The following HDAC8 variants were observed in gnomAD, a reference collection of about 807,000 sequenced individuals.
The protein encoded by HDAC8 is histone deacetylase 8.
A neutral mutation model predicts 32.2 loss-of-function variants in HDAC8; 1 was observed. The ratio of observed to expected loss-of-function variants is 0.03; its 90% CI spans 0.01 to 0.15. The LOEUF (loss-of-function observed/expected upper bound fraction) is 0.15, where lower values mean the gene tolerates loss of function less well. Ranked by LOEUF, HDAC8 falls within the 10% of genes least tolerant of loss-of-function variation. The pLI, the probability that HDAC8 is intolerant of heterozygous loss-of-function variation, is 1.00. For missense variants in HDAC8, 117 were observed against 300.0 expected, an observed-to-expected ratio of 0.39 and a Z score of 4.51; for synonymous variants, 108 against 113.9, an observed-to-expected ratio of 0.95 and a Z score of 0.33.
At chrX:72,569,198 C>T (rs1950841818) in intron 2 of HDAC8, among the ~76,000 whole-genome samples, 1 of 112,354 alleles carries the variant, frequency 8.9e-6, no homozygotes, top group African/African-American at 3.2e-5. Flanking sequence ...CTGTGAGTTA[C>T]AACTTTCAGG....
chrX:72,379,744 C>T (rs1331833139), intron 9 of HDAC8, among the ~76,000 whole-genome samples: 3 of 110,745 alleles, frequency 2.7e-5, no homozygotes, highest in Non-Finnish European at 5.7e-5. Context: ...TCAGGTGATC[C>T]ACCTGCCTCG....
chrX:72,403,870 C>A (rs887971281), intron 9 of HDAC8, among the ~76,000 whole-genome samples: 20 of 111,231 alleles, frequency 1.8e-4, no homozygotes, highest in Admixed American at 1.5e-3. Context: ...TCAAGACCAG[C>A]CTGGACAACA....
At position 72,351,889 on chromosome X, in the gene HDAC8, C is replaced by T. The variant is rs1486738501; in HGVS notation, c.1006-51G>A. On this transcript the variant is annotated intron_variant, in intron 9 of 10. Transcript: ENST00000373573. ...AAACAAATTAAGCCACATAAAACCT[C>T]CAAACCAACCACATACAAACAATCA... 4.5e-6 allele frequency: 4 copies of T among 883,254 alleles called. No individual in the cohort carries two copies. In the South Asian group the frequency reaches 9.0e-5, roughly 20 times the overall value. The allele number at this position is 883,254 out of a possible 1,213,427, so 72.8% of individuals were successfully genotyped here.
At chrX:72,556,082 T>C (rs112354286) in intron 4 of HDAC8, among the ~76,000 whole-genome samples, 1,352 of 111,653 alleles carry the variant, frequency 0.012, 17 homozygotes, top group African/African-American at 0.041. Flanking sequence ...CTGGAAGGGA[T>C]TGGGGTCCTA....
At chrX:72,338,727 T>G (rs1367318715) in intron 10 of HDAC8, among the ~76,000 whole-genome samples, 1 of 100,944 alleles carries the variant, frequency 9.9e-6, no homozygotes, top group African/African-American at 3.6e-5. Flanking sequence ...TTTTTTTATT[T>G]TTTTATTTTT....
chrX:72,509,345 G>C (rs782430081), intron 4 of HDAC8, among the ~76,000 whole-genome samples: 62 of 111,154 alleles, frequency 5.6e-4, no homozygotes, highest in African/African-American at 1.9e-3. Flanking sequence ...CTGATCTCAA[G>C]TGATCCGCCA....
intron 4 of HDAC8, among the ~76,000 whole-genome samples, chrX:72,537,364 T>C (rs1381163788): frequency 8.9e-6 from 1 of 112,343 alleles, no homozygotes; most frequent in Non-Finnish European, 1.9e-5. Context: ...TTTCATATTT[T>C]GTACTATTAC....
At chrX:72,394,000 C>T (rs1316288706) in intron 9 of HDAC8, among the ~76,000 whole-genome samples, 1 of 110,893 alleles carries the variant, frequency 9.0e-6, no homozygotes, top group Non-Finnish European at 1.9e-5. Flanking sequence ...TCTTCCTAGT[C>T]CAGTTACTCT....
intron 4 of HDAC8, among the ~76,000 whole-genome samples, chrX:72,548,879 A>C (rs782238856): frequency 9.0e-6 from 1 of 111,662 alleles, no homozygotes; most frequent in Non-Finnish European, 1.9e-5. Flanking sequence ...TATGTTGCCC[A>C]GGCTGTCAAA....
At chrX:72,572,599 G>GCCCCCCCCCCCCCC (rs1556163925) in intron 1 of HDAC8, 52 bp downstream of exon 1, 20 of 453,055 alleles carry the variant, frequency 4.4e-5, no homozygotes, top group South Asian at 1.2e-4. Flanking sequence ...TTCGTCCACC[G>GCCCCCCCCCCCCCC]CCCCCACCCC....
At chrX:72,484,016 A>G (rs1351062828) in intron 7 of HDAC8, among the ~76,000 whole-genome samples, 1 of 112,350 alleles carries the variant, frequency 8.9e-6, no homozygotes, top group African/African-American at 3.2e-5. Flanking sequence ...AAAAGTAGTT[A>G]AAGAGCTATA....
At chrX:72,513,463 C>T (rs2049663641) in intron 4 of HDAC8, among the ~76,000 whole-genome samples, 1 of 109,587 alleles carries the variant, frequency 9.1e-6, no homozygotes, top group African/African-American at 3.3e-5. Flanking sequence ...GTAGCTGGAA[C>T]CACAGGCGTG....
intron 4 of HDAC8, among the ~76,000 whole-genome samples, chrX:72,526,110 T>G (rs1251405685): frequency 1.8e-5 from 2 of 111,066 alleles, no homozygotes; most frequent in Non-Finnish European, 3.8e-5. Flanking sequence ...TAGTCCAAAC[T>G]ACCTGAACAT....
chrX:72,440,743 G>C (rs781924671), intron 9 of HDAC8, among the ~76,000 whole-genome samples: 3 of 112,081 alleles, frequency 2.7e-5, no homozygotes, highest in Admixed American at 9.4e-5. Flanking sequence ...TGCCTCACTT[G>C]GGAAGCACAA....
chrX:72,460,968 C>T (rs1265564040), intron 9 of HDAC8, among the ~76,000 whole-genome samples: 1 of 112,081 alleles, frequency 8.9e-6, no homozygotes, highest in African/African-American at 3.2e-5. Flanking sequence ...GTATTCTAGA[C>T]ATATTGAATG....
intron 9 of HDAC8, among the ~76,000 whole-genome samples, chrX:72,375,867 T>C (rs1308534805): frequency 8.9e-6 from 1 of 112,006 alleles, no homozygotes; most frequent in African/African-American, 3.2e-5. Flanking sequence ...ATCAGTAGAA[T>C]TGACTAGTGA....
intron 4 of HDAC8, among the ~76,000 whole-genome samples, chrX:72,545,158 C>T (rs1354492600): frequency 8.9e-6 from 1 of 111,756 alleles, no homozygotes; most frequent in East Asian, 2.8e-4. Context: ...AAAATTCTGA[C>T]AAAGTGAAGG....
intron 9 of HDAC8, among the ~76,000 whole-genome samples, chrX:72,440,514 C>A (rs782295325): frequency 1.8e-5 from 2 of 110,264 alleles, no homozygotes; most frequent in East Asian, 5.7e-4. Context: ...AAAAACCCTT[C>A]AAAAAAAAAT....
chrX:72,558,486 G>A (rs185528430), intron 4 of HDAC8, among the ~76,000 whole-genome samples: 24 of 111,720 alleles, frequency 2.1e-4, no homozygotes, highest in Admixed American at 7.6e-4. Context: ...AACAAAAATC[G>A]CATGATCATC....
Sources: gnomAD v4.1 joint callset for allele counts (sites outside exome capture counted in the v4.1 genomes callset) on GRCh38, gnomAD v4.1.1 for gene constraint, MANE v1.5 for transcripts, NCBI Gene and HGNC (gene_info 2026-07-23, HGNC 2026-07-21) for gene names.